The following KIF13A variants were observed in gnomAD, a reference collection of about 807,000 sequenced individuals.
KIF13A encodes kinesin family member 13A.
KIF13A carries 79 observed loss-of-function variants against 212.2 expected under a neutral mutation model. The observed-to-expected ratio is 0.37, with a 90% CI of 0.31 to 0.45. The LOEUF is 0.45. KIF13A is among the 20% of genes least tolerant of loss of function. The pLI, the probability that KIF13A is intolerant of heterozygous loss-of-function variation, is 1.00. For synonymous variants in KIF13A, 789 were observed against 808.6 expected (o/e 0.98, Z 0.41); for missense variants, 1,901 against 2,209.0 (o/e 0.86, Z 2.79).
chr6:17,764,487 A>G lies in KIF13A; in HGVS notation c.5041T>C (p.Ser1681Pro). Residue 1681 changes from serine (S) to proline (P), a missense_variant, in exon 39 of 39, where the codon TCA becomes CCA. This residue lies in a region of KIF13A where 687 missense variants were observed against 759.1 expected (regional missense o/e 0.90). Coordinates refer to ENST00000259711, the MANE Select transcript of KIF13A (RefSeq NM_022113.6). This position sits in a 1 kb window ranked among gnomAD's most constrained non-coding sequence, Gnocchi z 5.1. Reference sequence around the variant, plus strand: ...TTTTTCTCAGGGATGCTCTGGGATGATGGGCTCCCTTTGGCTAAGGCACTG... The same window carrying G: ...TTTTTCTCAGGGATGCTCTGGGATGGTGGGCTCCCTTTGGCTAAGGCACTG... ...ENSALAKGSP[S>P]SQSIPEKNSK... The G allele has an allele frequency of 1.2e-6, 2 of 1,613,990 alleles. No individual in the cohort carries two copies. The highest frequency in any genetic ancestry group is 1.7e-6 in the Non-Finnish European group (2 of 1,179,894).
Position 17,926,275 on chromosome 6 carries a change from A to G in KIF13A, c.147-28095T>C, listed in dbSNP as rs1422990066. Among the ~76,000 whole-genome samples, 1 of 152,204 alleles carries G rather than the reference A, an allele frequency of 6.6e-6. No individual in the cohort carries two copies. The highest frequency in any genetic ancestry group is 1.5e-5 in the Non-Finnish European group (1 of 68,036). ...GAGGCAGAGTCTCACTCTGTCACCC[A>G]GACTGGAATGCAGTGGCACAATCTT... On this transcript the variant is annotated intron_variant, in intron 2 of 38. Coordinates refer to ENST00000259711, the MANE Select transcript of KIF13A (RefSeq NM_022113.6). The surrounding 1 kb of genome is among the most constrained non-coding windows in gnomAD (Gnocchi z 4.3).
intron 22 of KIF13A, among the ~76,000 whole-genome samples, chr6:17,798,212 GA>G (rs1397452379): frequency 6.8e-6 from 1 of 147,044 alleles, no homozygotes; most frequent in Non-Finnish European, 1.5e-5. Context: ...ACTCCAAGAT[GA>G]AAAAACTCCA....
intron 2 of KIF13A, among the ~76,000 whole-genome samples, chr6:17,945,773 A>G (rs563662000): frequency 1.3e-5 from 2 of 152,168 alleles, no homozygotes; most frequent in Non-Finnish European, 2.9e-5. Flanking sequence ...AGCAGAACAC[A>G]ATGAAGAAAC....
rs1482102594 is a variant in KIF13A, at chr6:17,785,648, A to G, written c.3362-7T>C. 2 of 1,600,274 alleles carry G rather than the reference A, an allele frequency of 1.2e-6. No individual in the cohort carries two copies. Among genetic ancestry groups the G allele is most frequent in the Non-Finnish European group, 1.7e-6 (2 of 1,173,434 alleles). ...ACATCGTCCTCTGTTTTCTCTGCAG[A>G]AAAAAATGAGGAGATCAATGCCAAC... On this transcript the variant is annotated splice_polypyrimidine_tract_variant and splice_region_variant and intron_variant, in intron 27 of 38. Transcript: ENST00000259711. This position sits in a 1 kb window ranked among gnomAD's most constrained non-coding sequence, Gnocchi z 5.8.
At chr6:17,791,872 C>A (rs1160505209) in intron 25 of KIF13A, among the ~76,000 whole-genome samples, 2 of 144,770 alleles carry the variant, frequency 1.4e-5, no homozygotes, top group African/African-American at 5.2e-5. Flanking sequence ...CACACTCCAG[C>A]CTGGGTGACA....
chr6:17,760,746 TGA>T, downstream of KIF13A: 2 of 1,123,978 alleles, frequency 1.8e-6, no homozygotes, highest in Middle Eastern at 2.3e-4. Context: ...GCTTCTGGTC[TGA>T]GGTCCAGCCA....
rs1380823658 is a variant in KIF13A at position 17,781,239 on chromosome 6, G to A, written c.3607C>T (p.Leu1203=). 1 of 1,613,830 alleles carries A rather than the reference G, an allele frequency of 6.2e-7. No homozygotes were observed. The highest frequency in any genetic ancestry group is 1.1e-5 in the South Asian group (1 of 91,078). Residue 1203 remains leucine, a synonymous_variant, in exon 30 of 39, where the codon CTG becomes TTG. Coordinates refer to ENST00000259711, the MANE Select transcript of KIF13A (RefSeq NM_022113.6). ...GPHASGVNSI[L]PKEHGSQFFY... is the part of the protein sequence containing the mutation. ...AACTGGCTGCCATGCTCCTTGGGCA[G>A]GATGGAGTTCACGCCGGATGCATGG...
At chr6:17,808,652 A>G in intron 18 of KIF13A, 116 bp downstream of exon 18, 1 of 906,388 alleles carries the variant, frequency 1.1e-6, no homozygotes, top group Non-Finnish European at 1.6e-6. Context: ...AAAAATAAAC[A>G]TCTCTGGCTG....
At position 17,799,020 on chromosome 6, in the gene KIF13A, G is replaced by A. The variant is rs1418998343; in HGVS notation, c.2790+246C>T. Among the ~76,000 whole-genome samples the A allele has an allele frequency of 6.6e-6, 1 of 152,230 alleles. No homozygotes were observed. The highest frequency in any genetic ancestry group is 1.5e-5 in the Non-Finnish European group (1 of 68,036). On this transcript the variant is annotated intron_variant, in intron 22 of 38. Transcript: ENST00000259711. The surrounding 1 kb of genome is among the most constrained non-coding windows in gnomAD (Gnocchi z 4.4). ...TGCAGAGCATAGAAAGTAGTTTAAT[G>A]AAATATGTAGCAACCTGTCACTGGT...
In KIF13A at chr6:17,967,504, G is replaced by A. The variant is rs1201084688; in HGVS notation, c.146+19550C>T. ...ATCTTATGCTCAATCACTCAAGGAT[G>A]GAAAACTAAACTTCTCTAGGGCAGA... On this transcript the variant is annotated intron_variant, in intron 2 of 38. Coordinates refer to ENST00000259711, the MANE Select transcript of KIF13A (RefSeq NM_022113.6). The surrounding 1 kb of genome is among the most constrained non-coding windows in gnomAD (Gnocchi z 4.1). Among the ~76,000 whole-genome samples, 1 of 152,182 alleles carries A rather than the reference G, an allele frequency of 6.6e-6. No homozygotes were observed. Among genetic ancestry groups the A allele is most frequent in the Non-Finnish European group, 1.5e-5 (1 of 68,024 alleles).
At chr6:17,945,690 T>C (rs753086150) in intron 2 of KIF13A, among the ~76,000 whole-genome samples, 6 of 152,216 alleles carry the variant, frequency 3.9e-5, no homozygotes, top group Non-Finnish European at 7.3e-5. Flanking sequence ...TCTTTTCACA[T>C]TGAACTATGT....
Position 17,883,968 on chromosome 6 carries a change from T to G in KIF13A, c.160-10531A>C, listed in dbSNP as rs1323777958. On this transcript the variant is annotated intron_variant, in intron 3 of 38. Transcript: ENST00000259711. The surrounding 1 kb of genome is among the most constrained non-coding windows in gnomAD (Gnocchi z 4.8). ...ATATTAACAAAAAAAGAGAAGGAAATCATAATAATAACAAAAAAAGAGAAA... is the reference window on the plus strand; with the variant it reads ...ATATTAACAAAAAAAGAGAAGGAAAGCATAATAATAACAAAAAAAGAGAAA... Among the ~76,000 whole-genome samples the G allele has an allele frequency of 2.6e-5, 4 of 151,842 alleles. No homozygotes were observed. The highest frequency in any genetic ancestry group is 2.6e-4 in the Admixed American group (4 of 15,216).
intron 32 of KIF13A, among the ~76,000 whole-genome samples, chr6:17,779,325 G>T (rs1264700985): frequency 7.1e-6 from 1 of 141,478 alleles, no homozygotes; most frequent in African/African-American, 2.6e-5. Context: ...AGGCTGGAGT[G>T]CAATGGCGCG....
In KIF13A at chr6:17,914,661, T is replaced by TCACAGGCATCAGGTAAA. The variant is rs1774347516; in HGVS notation, c.147-16482_147-16481insTTTACCTGATGCCTGTG. ...GGTCACAGGCATCAGGTAAAGTGTG[T>TCACAGGCATCAGGTAAA]GGCAGGGTCTCTGTGGAGCAGGGTC... On this transcript the variant is annotated intron_variant, in intron 2 of 38. Coordinates refer to ENST00000259711, the MANE Select transcript of KIF13A (RefSeq NM_022113.6). The surrounding 1 kb of genome is among the most constrained non-coding windows in gnomAD (Gnocchi z 5.9). Among the ~76,000 whole-genome samples, 1 of 152,168 alleles carries TCACAGGCATCAGGTAAA rather than the reference T, an allele frequency of 6.6e-6. No individual in the cohort carries two copies.
At chr6:17,857,365 G>A (rs1242628998) in intron 4 of KIF13A, among the ~76,000 whole-genome samples, 1 of 152,166 alleles carries the variant, frequency 6.6e-6, no homozygotes, top group Non-Finnish European at 1.5e-5. Context: ...CCCCTATGCT[G>A]TTCTCATGAT....
In KIF13A at chr6:17,809,823, G is replaced by A. The variant is rs1763280919; in HGVS notation, c.2001-893C>T. The stretch of plus-strand genomic sequence containing the variant: ...CGCCGCAGGAAATGCTTACATCATA[G>A]AAAAATAATGAACTCAAAGCACCTA... On this transcript the variant is annotated intron_variant, in intron 17 of 38. Transcript: ENST00000259711. This position sits in a 1 kb window ranked among gnomAD's most constrained non-coding sequence, Gnocchi z 4.7. 6.6e-6 allele frequency among the ~76,000 whole-genome samples: 1 copy of A among 152,116 alleles called. No homozygotes were observed. Among genetic ancestry groups the A allele is most frequent in the Non-Finnish European group, 1.5e-5 (1 of 68,034 alleles).
In KIF13A at chr6:17,888,537, A is replaced by G. The variant is rs754061510; in HGVS notation, c.159+9631T>C. Among the ~76,000 whole-genome samples the G allele has an allele frequency of 3.3e-5, 5 of 152,224 alleles. No individual in the cohort carries two copies. The highest frequency in any genetic ancestry group is 5.9e-5 in the Non-Finnish European group (4 of 68,044). On this transcript the variant is annotated intron_variant, in intron 3 of 38. Transcript: ENST00000259711. The surrounding 1 kb of genome is among the most constrained non-coding windows in gnomAD (Gnocchi z 4.8). ...GTTTTTGTAGACACACTGAAAAGTAAAAGAGGCCAACCATGGTGGCTTATG... is the reference window on the plus strand; with the variant it reads ...GTTTTTGTAGACACACTGAAAAGTAGAAGAGGCCAACCATGGTGGCTTATG...
At position 17,772,435 on chromosome 6, in the gene KIF13A, C is replaced by CACAAACA. The variant is rs939130038; in HGVS notation, c.4325-383_4325-377dup. ...GTCTAAAAACAAAACAAAAAAACCC[C>CACAAACA]ACAAACAACAAACAACAAACAAAAA... is the stretch of plus-strand genomic sequence containing the variant. On this transcript the variant is annotated intron_variant, in intron 36 of 38. Transcript: ENST00000259711. The surrounding 1 kb of genome is among the most constrained non-coding windows in gnomAD (Gnocchi z 4.8). Among the ~76,000 whole-genome samples the CACAAACA allele has an allele frequency of 4.6e-5, 7 of 152,136 alleles. No individual in the cohort carries two copies. The highest frequency in any genetic ancestry group is 1.9e-4 in the East Asian group (1 of 5,176).
At chr6:17,977,130 AAAAAAAG>A (rs922658405) in intron 2 of KIF13A, among the ~76,000 whole-genome samples, 6 of 151,452 alleles carry the variant, frequency 4.0e-5, no homozygotes, top group African/African-American at 1.4e-4. Context: ...AAAAAAAAAA[AAAAAAAG>A]AAATGCACAT....
Sources: allele counts gnomAD v4.1 joint callset (sites outside exome capture counted in the v4.1 genomes callset), GRCh38; gene constraint gnomAD v4.1.1; regional missense constraint gnomAD v4.1.1; non-coding constraint Gnocchi (gnomAD v3.1); transcripts MANE v1.5; gene names NCBI Gene and HGNC (gene_info 2026-07-23, HGNC 2026-07-21).